Variants in TMCC3 observed in about 807,000 individuals in gnomAD.
TMCC3 encodes transmembrane and coiled-coil domain family 3.
A neutral mutation model predicts 40.2 loss-of-function variants in TMCC3; 28 were observed. That is an observed-to-expected ratio of 0.70 (90% CI 0.52 to 0.95). The LOEUF (loss-of-function observed/expected upper bound fraction) is 0.95, where lower values mean the gene tolerates loss of function less well. Ranked by LOEUF, TMCC3 falls within the 40% of genes least tolerant of loss-of-function variation. The pLI, the probability that TMCC3 is intolerant of heterozygous loss-of-function variation, is 0.00. For synonymous variants in TMCC3, 255 were observed against 248.5 expected, an observed-to-expected ratio of 1.03 and a Z score of -0.25; for missense variants, 554 against 615.2, an observed-to-expected ratio of 0.90 and a Z score of 1.05.
chr12:94,649,568 C>G (rs1299251812), intron 1 of TMCC3, among the ~76,000 whole-genome samples: 1 of 152,248 alleles, frequency 6.6e-6, no homozygotes, highest in Non-Finnish European at 1.5e-5. Context: ...AGCCTCACAT[C>G]CAGCCTCGAC....
chr12:94,627,273 T>C (rs796338524), intron 1 of TMCC3, among the ~76,000 whole-genome samples: 6 of 152,288 alleles, frequency 3.9e-5, no homozygotes, highest in African/African-American at 1.4e-4. Flanking sequence ...CCTGGCACCA[T>C]GCTGCTTCCT....
intron 1 of TMCC3, among the ~76,000 whole-genome samples, chr12:94,635,656 G>T (rs2068956174): frequency 7.3e-6 from 1 of 137,372 alleles, no homozygotes; most frequent in Admixed American, 7.8e-5. Context: ...GTGTGTGTAT[G>T]TGGGTTTTTT....
chr12:94,599,009 T>C (rs1297538292), intron 1 of TMCC3, among the ~76,000 whole-genome samples: 2 of 152,156 alleles, frequency 1.3e-5, no homozygotes, highest in Non-Finnish European at 2.9e-5. Flanking sequence ...GAGCCATGTA[T>C]CCTAAATAAA....
At chr12:94,572,877 T>C (rs1300517491) in intron 3 of TMCC3, among the ~76,000 whole-genome samples, 1 of 152,054 alleles carries the variant, frequency 6.6e-6, no homozygotes, top group East Asian at 1.9e-4. Context: ...ACCTGCTCTC[T>C]GAACGCGGTG....
chr12:94,632,182 C>T (rs1294269921), intron 1 of TMCC3, among the ~76,000 whole-genome samples: 1 of 152,204 alleles, frequency 6.6e-6, no homozygotes, highest in Non-Finnish European at 1.5e-5. Flanking sequence ...CGAAAGAGAA[C>T]TTTCCGGGGT....
At chr12:94,631,498 G>C (rs528892920) in intron 1 of TMCC3, among the ~76,000 whole-genome samples, 1 of 152,026 alleles carries the variant, frequency 6.6e-6, no homozygotes, top group Admixed American at 6.5e-5. Context: ...GGAGAAAGAC[G>C]GCCACCTACA....
rs566605147 is a variant in TMCC3 at position 94,641,206 on chromosome 12, A to G, written c.78+9147T>C. On this transcript the variant is annotated intron_variant, in intron 1 of 3. Coordinates refer to ENST00000261226, the MANE Select transcript of TMCC3 (RefSeq NM_020698.4). ...CAGACCCAGACCCTGTCTCAAAAAA[A>G]AAAAGAAAAGAAAAGAAATAAACCA... is the stretch of plus-strand genomic sequence containing the variant. 1.3e-3 allele frequency among the ~76,000 whole-genome samples: 198 copies of G among 151,970 alleles called. 2 individuals are homozygous for G. The highest frequency in any genetic ancestry group is 1.3e-3 in the Non-Finnish European group (86 of 67,916).
chr12:94,616,649 C>T (rs1052219168), intron 1 of TMCC3, among the ~76,000 whole-genome samples: 4 of 150,764 alleles, frequency 2.7e-5, no homozygotes, highest in Admixed American at 6.6e-5. Context: ...TGGTGCTAAG[C>T]GAGCACTTGG....
intron 1 of TMCC3, among the ~76,000 whole-genome samples, chr12:94,591,472 ACAGTGGCTGGATG>A (rs2068675219): frequency 6.6e-6 from 1 of 151,946 alleles, no homozygotes; most frequent in Non-Finnish European, 1.5e-5. Flanking sequence ...TATATAAGAT[ACAGTGGCTGGATG>A]CAGTGGCTCA....
chr12:94,586,931 G>A (rs1415151045), intron 1 of TMCC3, among the ~76,000 whole-genome samples: 2 of 152,166 alleles, frequency 1.3e-5, no homozygotes, highest in Non-Finnish European at 2.9e-5. Context: ...GTTTGATGAG[G>A]GTATAAAGTT....
intron 3 of TMCC3, 129 bp downstream of exon 3, chr12:94,578,265 G>T: frequency 2.0e-6 from 2 of 1,003,300 alleles, no homozygotes; most frequent in Non-Finnish European, 1.4e-6. Flanking sequence ...TAAAATGTTT[G>T]TGCAGAGAAA....
At chr12:94,580,352 G>A (rs1288366122) in intron 2 of TMCC3, among the ~76,000 whole-genome samples, 2 of 152,122 alleles carry the variant, frequency 1.3e-5, no homozygotes, top group East Asian at 1.9e-4. Flanking sequence ...GGTTTTGAAT[G>A]TATACTTTAA....
intron 3 of TMCC3, among the ~76,000 whole-genome samples, chr12:94,576,650 A>G (rs2068566848): frequency 6.6e-6 from 1 of 152,052 alleles, no homozygotes; most frequent in South Asian, 2.1e-4. Context: ...TAATTTAAAA[A>G]AAAGTTGTTT....
At chr12:94,650,101 C>T (rs2069046595) in intron 1 of TMCC3, among the ~76,000 whole-genome samples, 1 of 152,130 alleles carries the variant, frequency 6.6e-6, no homozygotes, top group South Asian at 2.1e-4. Flanking sequence ...ACCGGGCGTC[C>T]CGCATAGCGC....
chr12:94,645,502 A>G (rs1050742998), intron 1 of TMCC3, among the ~76,000 whole-genome samples: 1 of 152,190 alleles, frequency 6.6e-6, no homozygotes, highest in South Asian at 2.1e-4. Context: ...CAATGGCACA[A>G]TCCTGGCTCA....
chr12:94,631,559 A>C (rs1169663893), intron 1 of TMCC3, among the ~76,000 whole-genome samples: 1 of 152,160 alleles, frequency 6.6e-6, no homozygotes, highest in African/African-American at 2.4e-5. Context: ...TTCTCAGAAG[A>C]AACTAGCTCT....
At chr12:94,617,747 A>C (rs1566330011) in intron 1 of TMCC3, among the ~76,000 whole-genome samples, 1 of 152,182 alleles carries the variant, frequency 6.6e-6, no homozygotes, top group African/African-American at 2.4e-5. Context: ...TATGTGGCTT[A>C]AGTGGTGTTG....
rs751883404 is a variant in TMCC3 at position 94,650,468 on chromosome 12, G to A, written c.-38C>T. On this transcript the variant is annotated 5_prime_UTR_variant, in exon 1 of 4. Coordinates refer to ENST00000261226, the MANE Select transcript of TMCC3 (RefSeq NM_020698.4). ...GCCGCGAACTTTCCCGTCTTCTGGG[G>A]CTGCCGCGCCGCGAGCCACCGGCTG... is the stretch of plus-strand genomic sequence containing the variant. The A allele has an allele frequency of 1.1e-4, 134 of 1,244,644 alleles. No homozygotes were observed. Among genetic ancestry groups the A allele is most frequent in the Non-Finnish European group, 1.3e-4 (130 of 990,422 alleles). The allele number at this position is 1,244,644 out of a possible 1,614,324, so 77.1% of individuals were successfully genotyped here.
intron 1 of TMCC3, among the ~76,000 whole-genome samples, chr12:94,586,445 A>G (rs1214419268): frequency 1.3e-5 from 2 of 152,176 alleles, no homozygotes; most frequent in Non-Finnish European, 2.9e-5. Flanking sequence ...TGTTGTATAC[A>G]TGTATTCTTC....
Sources: allele counts gnomAD v4.1 joint callset (sites outside exome capture counted in the v4.1 genomes callset), GRCh38; gene constraint gnomAD v4.1.1; transcripts MANE v1.5; gene names NCBI Gene and HGNC (gene_info 2026-07-23, HGNC 2026-07-21).